Variants in BCORL1 observed in about 807,000 individuals in gnomAD.
BCORL1 encodes BCL-6 corepressor-like protein 1.
A neutral mutation model predicts 87.6 loss-of-function variants in BCORL1; 7 were observed. The ratio of observed to expected loss-of-function variants is 0.08; its 90% confidence interval spans 0.05 to 0.15. The LOEUF is 0.15. BCORL1 is among the 10% of genes least tolerant of loss of function. The pLI is 1.00. For synonymous variants in BCORL1, 591 were observed against 634.4 expected, an observed-to-expected ratio of 0.93 and a Z score of 1.03; for missense variants, 1,215 against 1,499.7, an observed-to-expected ratio of 0.81 and a Z score of 3.13.
At chrX:130,055,490 T>C (rs780308067) in intron 13 of BCORL1, among the ~76,000 whole-genome samples, 1 of 112,651 alleles carries the variant, frequency 8.9e-6, no homozygotes, top group East Asian at 2.8e-4. Context: ...TCCCAGCAGA[T>C]GGCAAATGCC....
At chrX:129,992,672 C>CT (rs955445650) in intron 1 of BCORL1, among the ~76,000 whole-genome samples, 3 of 111,198 alleles carry the variant, frequency 2.7e-5, no homozygotes, top group Non-Finnish European at 5.7e-5. Context: ...GAAGAATTGT[C>CT]TTTTTTAAAA....
chrX:130,028,928 G>T (rs1322461909), intron 8 of BCORL1, 67 bp downstream of exon 8: 3 of 363,619 alleles, frequency 8.3e-6, no homozygotes, highest in Non-Finnish European at 1.4e-5. Flanking sequence ...GCAGGAGGGG[G>T]GTGGGGGATG....
intron 1 of BCORL1, among the ~76,000 whole-genome samples, chrX:129,985,954 A>G (rs1342699528): frequency 1.8e-5 from 2 of 110,114 alleles, no homozygotes; most frequent in African/African-American, 6.6e-5. Context: ...GGTTCCGGTG[A>G]TTCTCCTGCC....
intron 11 of BCORL1, among the ~76,000 whole-genome samples, chrX:130,043,775 TATATA>T (rs1301317839): frequency 8.7e-5 from 2 of 22,886 alleles, no homozygotes; most frequent in African/African-American, 6.3e-4. Flanking sequence ...TATATATATA[TATATA>T]TATATTTTTT....
At chrX:130,038,431 C>T (rs1250298678) in intron 10 of BCORL1, among the ~76,000 whole-genome samples, 1 of 109,787 alleles carries the variant, frequency 9.1e-6, no homozygotes, top group African/African-American at 3.3e-5. Context: ...CTCAGGGAGT[C>T]ACCCAGGGCC....
At chrX:129,991,962 C>A (rs751443910) in intron 1 of BCORL1, among the ~76,000 whole-genome samples, 1 of 105,846 alleles carries the variant, frequency 9.4e-6, no homozygotes, top group Non-Finnish European at 1.9e-5. Flanking sequence ...CCGTGCCTGG[C>A]GCTTTTTATT....
intron 1 of BCORL1, among the ~76,000 whole-genome samples, chrX:129,993,917 T>C (rs1927364996): frequency 1.5e-5 from 1 of 67,152 alleles, no homozygotes; most frequent in Admixed American, 2.2e-4. Flanking sequence ...CCCGAGTAGC[T>C]GGGATTACAG....
rs1033163186 is a variant in BCORL1 at position 130,057,962 on chromosome X, T to A, written c.*1826T>A. 2 of 111,009 alleles carry A rather than the reference T, an allele frequency of 1.8e-5. No homozygotes were observed. Among genetic ancestry groups the A allele is most frequent in the African/African-American group, 6.6e-5 (2 of 30,480 alleles). 9.1% of individuals were successfully genotyped at this position (111,009 alleles called of 1,213,427 possible). Reference sequence around the variant, plus strand: ...TCCTGGTATTGTGTAGTTTATTTCATGTTCTGTTTGCCTTTCCTTTTTTCG... The same window carrying A: ...TCCTGGTATTGTGTAGTTTATTTCAAGTTCTGTTTGCCTTTCCTTTTTTCG... On this transcript the variant is annotated 3_prime_UTR_variant, in exon 14 of 14. Coordinates refer to ENST00000540052, the MANE Select transcript of BCORL1 (RefSeq NM_001379451.1).
intron 2 of BCORL1, among the ~76,000 whole-genome samples, chrX:130,007,626 T>C (rs1378971110): frequency 1.8e-5 from 2 of 111,405 alleles, no homozygotes; most frequent in African/African-American, 6.5e-5. Context: ...CGAAACCCCG[T>C]CTCTACTAAA....
chrX:130,034,740 T>G, intron 9 of BCORL1, 64 bp downstream of exon 9: 2 of 819,083 alleles, frequency 2.4e-6, no homozygotes, highest in Non-Finnish European at 3.3e-6. Context: ...GAAGCTTTTC[T>G]CCATGGGCTC....
At chrX:130,040,676 G>A (rs983089186) in intron 11 of BCORL1, among the ~76,000 whole-genome samples, 8 of 112,722 alleles carry the variant, frequency 7.1e-5, no homozygotes, top group Non-Finnish European at 9.4e-5. Context: ...TGGGCCAGTG[G>A]TGACTGTTGT....
rs766188852 is a variant in BCORL1, at chrX:130,013,381, C to G, written c.609C>G (p.Ile203Met). Reference protein sequence around the residue: ...TTNFSPLPAPICPPAPGSASV... With the variant: ...TTNFSPLPAPMCPPAPGSASV... ...ACTTCAGTCCTCTGCCAGCCCCTAT[C>G]TGTCCCCCTGCTCCCGGTTCGGCCT... Residue 203 changes from isoleucine to methionine, a missense_variant, in exon 4 of 14, where the codon ATC becomes ATG. Physicochemically the swap from Ile to Met is conservative, Grantham distance 10. This residue lies in a region of BCORL1 where 861 missense variants were observed against 1,010.0 expected (regional missense o/e 0.85). Transcript: ENST00000540052. 1.7e-6 allele frequency: 2 copies of G among 1,211,098 alleles called. No homozygotes were observed. Among genetic ancestry groups the G allele is most frequent in the East Asian group, 5.9e-5 (2 of 33,839 alleles).
intron 11 of BCORL1, among the ~76,000 whole-genome samples, chrX:130,049,345 AGTTT>A (rs112855640): frequency 0.052 from 5,673 of 110,097 alleles, 418 homozygotes; most frequent in African/African-American, 0.18. Context: ...TTCATGTATA[AGTTT>A]GTTTGTTTGT....
intron 6 of BCORL1, among the ~76,000 whole-genome samples, chrX:130,024,063 C>A (rs1930042785): frequency 8.9e-6 from 1 of 112,330 alleles, no homozygotes; most frequent in Non-Finnish European, 1.9e-5. Flanking sequence ...CTCACAGCTG[C>A]TTCCGAGGAG....
rs1416717037 is a variant in BCORL1 at position 130,014,887 on chromosome X, C to G, written c.2115C>G (p.Asn705Lys). Residue 705 changes from asparagine to lysine, a missense_variant, in exon 4 of 14, where the codon AAC becomes AAG. By Grantham distance (94) the Asn-to-Lys change is moderately conservative. Coordinates refer to ENST00000540052, the MANE Select transcript of BCORL1 (RefSeq NM_001379451.1). The part of the protein sequence containing the change: ...RNGDPSTWVK[N>K]STALISTIPG... ...GGGACCCGAGCACCTGGGTGAAGAACTCAACTGCACTGATCAGCACCATTC... is the reference window on the plus strand; with the variant it reads ...GGGACCCGAGCACCTGGGTGAAGAAGTCAACTGCACTGATCAGCACCATTC... 8.3e-7 allele frequency: 1 copy of G among 1,211,705 alleles called. No homozygotes were observed. The highest frequency in any genetic ancestry group is 2.2e-5 in the Admixed American group (1 of 46,025).
chrX:130,039,997 A>G (rs1479598889), intron 11 of BCORL1, among the ~76,000 whole-genome samples: 2 of 112,774 alleles, frequency 1.8e-5, no homozygotes, highest in East Asian at 2.8e-4. Flanking sequence ...TAGCTTGGGC[A>G]TGCTCAGTAG....
intron 11 of BCORL1, among the ~76,000 whole-genome samples, chrX:130,050,285 AG>A (rs1441459218): frequency 1.8e-5 from 2 of 108,978 alleles, no homozygotes; most frequent in African/African-American, 3.3e-5. Flanking sequence ...TGAAAAAAAA[AG>A]TATTAGCCAG....
At chrX:129,997,512 G>A (rs757347942) in intron 1 of BCORL1, among the ~76,000 whole-genome samples, 1 of 110,435 alleles carries the variant, frequency 9.1e-6, no homozygotes, top group South Asian at 3.8e-4. Context: ...AAGTTATTGC[G>A]GCCAGGCACG....
Position 130,028,857 on chromosome X carries a change from C to T in BCORL1, c.4301C>T (p.Ala1434Val). ...CACATGGCAACCGTCTCAGAAGAGG[C>T]AAAGGTGTGTAGCTATCAAGGGGTA... is the stretch of plus-strand genomic sequence containing the variant. ...TKHMATVSEE[A>V]KGKGRWSQQK... The change falls in exon 8 of 14, where the codon GCA (alanine) becomes GTA (valine). Residue 1434 changes from alanine (A) to valine (V), a missense_variant. Physicochemically the swap from Ala to Val is moderately conservative, Grantham distance 64. Around this residue, in one of 5 missense-constraint regions of BCORL1, gnomAD observed 166 missense variants for 196.5 expected, o/e 0.84. Transcript: ENST00000540052. 8.4e-7 allele frequency: 1 copy of T among 1,185,354 alleles called. No homozygotes were observed. The highest frequency in any genetic ancestry group is 1.1e-6 in the Non-Finnish European group (1 of 884,402).
Sources: allele counts gnomAD v4.1 joint callset (sites outside exome capture counted in the v4.1 genomes callset), GRCh38; gene constraint gnomAD v4.1.1; regional missense constraint gnomAD v4.1.1; transcripts MANE v1.5; gene names NCBI Gene and HGNC (gene_info 2026-07-23, HGNC 2026-07-21).